ABHD15: variants seen among roughly 807,000 people sequenced by gnomAD.
ABHD15 encodes the protein protein ABHD15.
ABHD15 carries 34 observed loss-of-function variants against 34.4 expected under a neutral mutation model. The ratio of observed to expected loss-of-function variants is 0.99; its 90% CI spans 0.75 to 1.32. The LOEUF is 1.32. ABHD15 is among the 40% of genes most tolerant of loss of function. ABHD15 has a pLI of 0.00. For synonymous variants in ABHD15, 314 were observed against 299.2 expected (o/e 1.05, Z -0.51); for missense variants, 644 against 650.4 (o/e 0.99, Z 0.11).
intron 1 of ABHD15, among the ~76,000 whole-genome samples, chr17:29,564,210 C>A (rs919615693): frequency 6.6e-6 from 1 of 152,268 alleles, no homozygotes; most frequent in Non-Finnish European, 1.5e-5. Flanking sequence ...GCAGGTGACA[C>A]CTCTGCTAAT....
At position 29,560,718 on chromosome 17, in the gene ABHD15, G is replaced by C. The variant is rs1034551211; in HGVS notation, c.*1843C>G. 2 of 151,634 alleles carry C rather than the reference G, an allele frequency of 1.3e-5. No homozygotes were observed. The highest frequency in any genetic ancestry group is 2.4e-5 in the African/African-American group (1 of 41,218). The allele number at this position is 151,634 out of a possible 1,614,324, so 9.4% of individuals were successfully genotyped here. A position where few individuals can be genotyped will look rare whatever the true frequency, so the allele number is the denominator to read the frequency against. ...CGCCCAGGCTGGAGTGCAGTGGTGC[G>C]ATCTCAGCTCACTGCAAGCTCCGCC... is the stretch of plus-strand genomic sequence containing the variant. On this transcript the variant is annotated 3_prime_UTR_variant, in exon 2 of 2. Transcript: ENST00000307201.
intron 1 of ABHD15, among the ~76,000 whole-genome samples, chr17:29,564,827 C>T (rs926103071): frequency 6.6e-6 from 1 of 152,228 alleles, no homozygotes; most frequent in Non-Finnish European, 1.5e-5. Context: ...ACTTCGACCT[C>T]ATTCTGCCAT....
Position 29,562,590 on chromosome 17 carries a change from A to G in ABHD15, c.1378T>C (p.Phe460Leu), listed in dbSNP as rs758232715. The G allele has an allele frequency of 1.4e-5, 23 of 1,613,646 alleles. No individual in the cohort carries two copies. The highest frequency in any genetic ancestry group is 8.5e-7 in the Non-Finnish European group (1 of 1,179,948). ...CTTGTGTATGATCGCTTCCAGTTAA[A>G]GATCTCCTCCAGGTTGGAAGAGGAA... ...VSSSSNLEEIFNWKRSYTR is the reference protein window; with the variant it reads ...VSSSSNLEEILNWKRSYTR Residue 460 changes from phenylalanine (F) to leucine (L), a missense_variant, in exon 2 of 2, where the codon TTT becomes CTT. Coordinates refer to ENST00000307201, the MANE Select transcript of ABHD15 (RefSeq NM_198147.3).
At chr17:29,564,547 C>G (rs1001938803) in intron 1 of ABHD15, among the ~76,000 whole-genome samples, 1 of 152,186 alleles carries the variant, frequency 6.6e-6, no homozygotes, top group African/African-American at 2.4e-5. Flanking sequence ...CAGCCTCAGA[C>G]AGTTGAAATT....
At chr17:29,564,516 C>T (rs1157458416) in intron 1 of ABHD15, among the ~76,000 whole-genome samples, 1 of 152,104 alleles carries the variant, frequency 6.6e-6, no homozygotes. Flanking sequence ...TGAGCAGCTC[C>T]GTCTTTTGAA....
In ABHD15 at chr17:29,562,824, A is replaced by G. The variant is rs1375972111; in HGVS notation, c.1144T>C (p.Phe382Leu). 1 of 1,613,652 alleles carries G rather than the reference A, an allele frequency of 6.2e-7. No individual in the cohort carries two copies. The highest frequency in any genetic ancestry group is 1.1e-5 in the South Asian group (1 of 91,076). Residue 382 changes from phenylalanine to leucine, a missense_variant, in exon 2 of 2, where the codon TTC becomes CTC. Transcript: ENST00000307201. ...TELFHSNPYF[F>L]LLLSRHGGHC... ...CCTCCGTGGCGACTGAGCAGGAGGA[A>G]GAAGTAGGGGTTGCTGTGGAAGAGT...
rs200321208 is a variant in ABHD15 at position 29,562,950 on chromosome 17, C to T, written c.1018G>A (p.Asp340Asn). The T allele has an allele frequency of 5.0e-5, 80 of 1,614,058 alleles. No homozygotes were observed. Among genetic ancestry groups the T allele is most frequent in the Admixed American group, 4.5e-4 (27 of 60,028 alleles). Residue 340 changes from aspartate to asparagine, a missense_variant, in exon 2 of 2, where the codon GAC becomes AAC. By Grantham distance (23) the Asp-to-Asn change is conservative (BLOSUM62 1). Coordinates refer to ENST00000307201, the MANE Select transcript of ABHD15 (RefSeq NM_198147.3). ...ISWDTYWDRN[D>N]PLRDVDEAAV... Reference sequence around the variant, plus strand: ...GCCTCATCGACATCCCGGAGCGGGTCGTTGCGGTCCCAGTAGGTATCCCAG... The same window carrying T: ...GCCTCATCGACATCCCGGAGCGGGTTGTTGCGGTCCCAGTAGGTATCCCAG...
rs2032649904 is a variant in ABHD15, at chr17:29,562,928, T to C, written c.1040A>G (p.Glu347Gly). The C allele has an allele frequency of 2.5e-6, 4 of 1,614,090 alleles. No homozygotes were observed. The highest frequency in any genetic ancestry group is 3.4e-6 in the Non-Finnish European group (4 of 1,180,048). The change falls in exon 2 of 2, where the codon GAG becomes GGG. Residue 347 changes from glutamate to glycine, a missense_variant. Coordinates refer to ENST00000307201, the MANE Select transcript of ABHD15 (RefSeq NM_198147.3). ...GATACACAGCACAGGCACGGCTGCC[T>C]CATCGACATCCCGGAGCGGGTCGTT... ...DRNDPLRDVD[E>G]AAVPVLCICS... is the part of the protein sequence containing the mutation.
At position 29,560,626 on chromosome 17, in the gene ABHD15, A is replaced by T. The variant is rs2032616652; in HGVS notation, c.*1935T>A. On this transcript the variant is annotated 3_prime_UTR_variant, in exon 2 of 2. Transcript: ENST00000307201. ...ATGAGGAATATGGAGGAGGAGAAAC[A>T]AGAAGTGGGGAGAAGGGAGATAATT... is the stretch of plus-strand genomic sequence containing the variant. The T allele has an allele frequency of 6.6e-6, 1 of 152,184 alleles. No homozygotes were observed. The highest frequency in any genetic ancestry group is 1.9e-4 in the East Asian group (1 of 5,200). 9.4% of individuals were successfully genotyped at this position (152,184 alleles called of 1,614,324 possible). A position where few individuals can be genotyped will look rare whatever the true frequency, so the allele number is the denominator to read the frequency against.
intron 1 of ABHD15, among the ~76,000 whole-genome samples, chr17:29,565,021 G>A (rs894786622): frequency 9.9e-5 from 15 of 152,050 alleles, no homozygotes; most frequent in South Asian, 6.2e-4. Flanking sequence ...TTGAAAGCTG[G>A]GGCAGGCGGA....
intron 1 of ABHD15, among the ~76,000 whole-genome samples, chr17:29,565,125 G>A (rs1299852226): frequency 1.3e-5 from 2 of 151,998 alleles, no homozygotes; most frequent in Non-Finnish European, 2.9e-5. Flanking sequence ...GGGTGTGGTG[G>A]TGCACGCCTG....
intron 1 of ABHD15, among the ~76,000 whole-genome samples, chr17:29,565,858 G>A (rs1006722154): frequency 6.6e-6 from 1 of 152,242 alleles, no homozygotes; most frequent in Non-Finnish European, 1.5e-5. Flanking sequence ...CGGGTTAGGA[G>A]TCCCTGCTCT....
Position 29,566,513 on chromosome 17 carries a change from T to C in ABHD15, c.454A>G (p.Ser152Gly), listed in dbSNP as rs1278756322. 1.2e-6 allele frequency: 2 copies of C among 1,610,448 alleles called. No individual in the cohort carries two copies. The highest frequency in any genetic ancestry group is 2.2e-5 in the East Asian group (1 of 44,768). ...GPCVRGRRIT[S>G]AGGLPAVLLV... Reference sequence around the variant, plus strand: ...AGCACCGCAGGAAGGCCCCCGGCGCTGGTGATCCGGCGGCCCCGAACACAA... The same window carrying C: ...AGCACCGCAGGAAGGCCCCCGGCGCCGGTGATCCGGCGGCCCCGAACACAA... Residue 152 changes from serine to glycine, a missense_variant, in exon 1 of 2, where the codon AGC becomes GGC. Transcript: ENST00000307201.
intron 1 of ABHD15, 174 bp downstream of exon 1, chr17:29,565,912 G>T: frequency 1.1e-6 from 1 of 878,210 alleles, no homozygotes; most frequent in Non-Finnish European, 1.6e-6. Context: ...CTTTAAACCC[G>T]CTTCCCCGGT....
rs746318522 is a variant in ABHD15 at position 29,566,354 on chromosome 17, G to C, written c.613C>G (p.Arg205Gly). The C allele has an allele frequency of 1.2e-6, 2 of 1,611,022 alleles. No individual in the cohort carries two copies. Among genetic ancestry groups the C allele is most frequent in the Non-Finnish European group, 1.7e-6 (2 of 1,178,636 alleles). ...GACGGGTCCCCGAAAGGCTGCAGCC[G>C]GGGGCTGACCAGTGGGCAACCGTGG... is the stretch of plus-strand genomic sequence containing the variant. ...GHHGCPLVSP[R>G]LQPFGDPSDL... Residue 205 changes from arginine (R) to glycine (G), a missense_variant, in exon 1 of 2, where the codon CGG becomes GGG. Arg to Gly is a moderately radical substitution (Grantham distance 125). Transcript: ENST00000307201.
rs763991010 is a variant in ABHD15 at position 29,562,765 on chromosome 17, T to A, written c.1203A>T (p.Pro401=). Residue 401 remains proline, a synonymous_variant, in exon 2 of 2, where the codon CCA becomes CCT. Transcript: ENST00000307201. The part of the protein sequence containing the change: ...HCGFLRQEPL[P]AWSHEVILES... ...CCAAGATGACCTCATGGCTCCAGGC[T>A]GGCAAGGGCTCCTGGCGCAGGAAGC... The A allele has an allele frequency of 6.2e-7, 1 of 1,613,792 alleles. No homozygotes were observed. Among genetic ancestry groups the A allele is most frequent in the East Asian group, 2.2e-5 (1 of 44,878 alleles).
Position 29,562,558 on chromosome 17 carries a change from C to G in ABHD15, c.*3G>C, listed in dbSNP as rs542605305. 9 of 1,610,140 alleles carry G rather than the reference C, an allele frequency of 5.6e-6. No individual in the cohort carries two copies. In the African/African-American group the frequency reaches 1.2e-4, roughly 22 times the overall value. On this transcript the variant is annotated 3_prime_UTR_variant, in exon 2 of 2. Coordinates refer to ENST00000307201, the MANE Select transcript of ABHD15 (RefSeq NM_198147.3). Reference sequence around the variant, plus strand: ...GGACTTGGGGGTTCTCAGGCCAGGTCTTTCACCTTGTGTATGATCGCTTCC... The same window carrying G: ...GGACTTGGGGGTTCTCAGGCCAGGTGTTTCACCTTGTGTATGATCGCTTCC...
intron 1 of ABHD15, among the ~76,000 whole-genome samples, chr17:29,565,758 A>C (rs2032696199): frequency 6.6e-6 from 1 of 152,212 alleles, no homozygotes; most frequent in African/African-American, 2.4e-5. Context: ...GCTGTGGGCT[A>C]AGTGGTAAAT....
In ABHD15 at chr17:29,566,004, T is replaced by A. The variant is rs141291412; in HGVS notation, c.881+82A>T. ...CCAAACTGGCCCACGCCTGTTCCAATGCTATGCATAGCTGTTTCTGATTCT... is the reference window on the plus strand; with the variant it reads ...CCAAACTGGCCCACGCCTGTTCCAAAGCTATGCATAGCTGTTTCTGATTCT... On this transcript the variant is annotated intron_variant, in intron 1 of 1. Transcript: ENST00000307201. The A allele has an allele frequency of 7.4e-3, 11,064 of 1,487,728 alleles. 57 individuals carry two copies. Among genetic ancestry groups the A allele is most frequent in the Non-Finnish European group, 8.9e-3 (10,007 of 1,121,392 alleles). 92.2% of individuals were successfully genotyped at this position (1,487,728 alleles called of 1,614,324 possible).
Sources: allele counts gnomAD v4.1 joint callset (sites outside exome capture counted in the v4.1 genomes callset), GRCh38; gene constraint gnomAD v4.1.1; transcripts MANE v1.5; gene names NCBI Gene and HGNC (gene_info 2026-07-23, HGNC 2026-07-21).